ANKRD44: variants seen among roughly 807,000 people sequenced by gnomAD.
ANKRD44 encodes the protein ankyrin repeat domain 44.
A neutral mutation model predicts 116.0 loss-of-function variants in ANKRD44; 35 were observed. The observed-to-expected ratio is 0.30, with a 90% CI of 0.23 to 0.40. The LOEUF (loss-of-function observed/expected upper bound fraction) is 0.40, where lower values mean the gene tolerates loss of function less well. Among genes scored for constraint, ANKRD44 ranks in the 10% least tolerant of loss-of-function variants. ANKRD44 has a pLI of 1.00. For synonymous variants in ANKRD44, 435 were observed against 461.8 expected, an observed-to-expected ratio of 0.94 and a Z score of 0.74; for missense variants, 1,014 against 1,242.6, an observed-to-expected ratio of 0.82 and a Z score of 2.77.
chr2:197,067,459 C>G (rs935422944), intron 16 of ANKRD44, among the ~76,000 whole-genome samples: 1 of 151,012 alleles, frequency 6.6e-6, no homozygotes, highest in African/African-American at 2.4e-5. Context: ...GCAACCTACT[C>G]ATCTGACAAA....
At chr2:197,050,790 T>C (rs1258658484) in intron 16 of ANKRD44, among the ~76,000 whole-genome samples, 2 of 152,162 alleles carry the variant, frequency 1.3e-5, no homozygotes, top group African/African-American at 2.4e-5. Context: ...TTGGGCTAAT[T>C]AAATTATATT....
chr2:197,242,437 T>C (rs1574343787), intron 1 of ANKRD44, among the ~76,000 whole-genome samples: 1 of 152,214 alleles, frequency 6.6e-6, no homozygotes, highest in Admixed American at 6.5e-5. Context: ...TTTCCAGTTA[T>C]ACCAGGTTTC....
At chr2:197,020,860 A>G (rs1488924914) in intron 17 of ANKRD44, among the ~76,000 whole-genome samples, 2 of 143,682 alleles carry the variant, frequency 1.4e-5, no homozygotes, top group Non-Finnish European at 2.9e-5. Context: ...CAGGTTTGTT[A>G]CATATGTAAA....
rs1426907521 is a variant in ANKRD44 at position 197,122,754 on chromosome 2, C to T, written c.589G>A (p.Ala197Thr). ...TTCTTATCCTTACAGGTCACTTCTG[C>T]GCCATGGTTAATGAGCAATGCTACA... ...DVVALLINHG[A>T]EVTCKDKKGY... Residue 197 changes from alanine (A) to threonine (T), a missense_variant, in exon 7 of 28, where the codon GCA becomes ACA. Coordinates refer to ENST00000282272, the MANE Select transcript of ANKRD44 (RefSeq NM_001195144.2). 6 of 1,614,150 alleles carry T rather than the reference C, an allele frequency of 3.7e-6. No individual in the cohort carries two copies. The highest frequency in any genetic ancestry group is 5.1e-6 in the Non-Finnish European group (6 of 1,180,008).
At chr2:197,020,523 AAGGAATCTCATC>A (rs753936315) in intron 17 of ANKRD44, among the ~76,000 whole-genome samples, 7 of 152,176 alleles carry the variant, frequency 4.6e-5, no homozygotes, top group Non-Finnish European at 8.8e-5. Context: ...AAAATTGCAA[AAGGAATCTCATC>A]ATGTTTTAAG....
chr2:197,266,235 C>T (rs2082738311), intron 1 of ANKRD44, among the ~76,000 whole-genome samples: 1 of 152,122 alleles, frequency 6.6e-6, no homozygotes, highest in East Asian at 1.9e-4. Context: ...CCATCATTTT[C>T]AGTCCTTTCT....
intron 1 of ANKRD44, among the ~76,000 whole-genome samples, chr2:197,200,427 G>C (rs934984899): frequency 2.0e-5 from 3 of 152,104 alleles, no homozygotes; most frequent in African/African-American, 7.2e-5. Context: ...ATATGCTCAG[G>C]AGAATGTCCT....
At chr2:197,233,830 C>G (rs1459630009) in intron 1 of ANKRD44, among the ~76,000 whole-genome samples, 1 of 152,222 alleles carries the variant, frequency 6.6e-6, no homozygotes, top group African/African-American at 2.4e-5. Flanking sequence ...TATCTATGGA[C>G]CATTTGCTGT....
In ANKRD44 at chr2:197,011,475, A is replaced by ATTT. The variant is rs1216186319; in HGVS notation, c.1924+2033_1924+2035dup. Among the ~76,000 whole-genome samples the ATTT allele has an allele frequency of 3.1e-3, 433 of 141,220 alleles. 2 individuals are homozygous for ATTT. The highest frequency in any genetic ancestry group is 0.011 in the African/African-American group (408 of 38,248). 92.6% of individuals were successfully genotyped at this position (141,220 alleles called of 152,430 possible). A position where few individuals can be genotyped will look rare whatever the true frequency, so the allele number is the denominator to read the frequency against. On this transcript the variant is annotated intron_variant, in intron 18 of 27. Coordinates refer to ENST00000282272, the MANE Select transcript of ANKRD44 (RefSeq NM_001195144.2). ...TGAACTTAGCTAATAGCCCTCAGGT[A>ATTT]TTTTTTTTTTTTTTTGAGGTAGAGT...
intron 1 of ANKRD44, among the ~76,000 whole-genome samples, chr2:197,245,506 T>A (rs546412114): frequency 4.6e-5 from 7 of 152,280 alleles, no homozygotes; most frequent in Non-Finnish European, 7.4e-5. Context: ...ATACTCAACT[T>A]AGTTTAAGAA....
chr2:197,093,076 C>T (rs982311751), intron 10 of ANKRD44, among the ~76,000 whole-genome samples: 1 of 151,510 alleles, frequency 6.6e-6, no homozygotes, highest in African/African-American at 2.4e-5. Context: ...CTTTGAGCCT[C>T]CCTCATTCTT....
At chr2:197,007,087 A>G (rs1382733698) in intron 20 of ANKRD44, among the ~76,000 whole-genome samples, 1 of 152,024 alleles carries the variant, frequency 6.6e-6, no homozygotes, top group African/African-American at 2.4e-5. Context: ...CCTGGGTGAT[A>G]AGAGTGAGAT....
intron 2 of ANKRD44, chr2:197,147,746 G>A (rs2079541882): frequency 5.7e-6 from 2 of 348,836 alleles, no homozygotes; most frequent in Non-Finnish European, 1.1e-5. Flanking sequence ...CTAGACAATA[G>A]TATACTAGAT....
At chr2:197,120,542 T>C (rs1365962580) in intron 8 of ANKRD44, among the ~76,000 whole-genome samples, 2 of 151,898 alleles carry the variant, frequency 1.3e-5, no homozygotes, top group Non-Finnish European at 2.9e-5. Context: ...TCCCAGCTAC[T>C]GGGGAGGCTG....
rs764106109 is a variant in ANKRD44, at chr2:197,238,601, G to GAT, written c.28-51497_28-51496dup. On this transcript the variant is annotated intron_variant, in intron 1 of 27. Transcript: ENST00000282272. The stretch of plus-strand genomic sequence containing the variant: ...AAATAACAGTGGCTTAATCAAGAAA[G>GAT]ATATATATATATTTCTCCCTCGTTG... Among the ~76,000 whole-genome samples, 14 of 152,002 alleles carry GAT rather than the reference G, an allele frequency of 9.2e-5. No individual in the cohort carries two copies. The South Asian group carries it at 1.0e-3, about 11-fold the overall frequency.
chr2:197,053,763 C>T (rs934101549), intron 16 of ANKRD44, among the ~76,000 whole-genome samples: 3 of 152,196 alleles, frequency 2.0e-5, no homozygotes, highest in East Asian at 1.9e-4. Flanking sequence ...GATTACAGGC[C>T]GGAGCCACTG....
intron 16 of ANKRD44, 147 bp from the exon 17 acceptor site, chr2:197,025,414 T>A (rs2076572942): frequency 3.5e-6 from 2 of 567,628 alleles, no homozygotes; most frequent in Admixed American, 2.7e-5. Flanking sequence ...AAAACAAATA[T>A]GCTAACAGAA....
At chr2:197,246,393 G>C (rs542554009) in intron 1 of ANKRD44, among the ~76,000 whole-genome samples, 1 of 110,598 alleles carries the variant, frequency 9.0e-6, no homozygotes, top group African/African-American at 3.5e-5. Flanking sequence ...GGGTATCGCT[G>C]TGTTGCCCAG....
intron 2 of ANKRD44, among the ~76,000 whole-genome samples, chr2:197,184,723 C>A (rs992912201): frequency 6.6e-6 from 1 of 151,946 alleles, no homozygotes. Context: ...TGCACACAAC[C>A]CCTGTGGTGA....
Sources: allele counts gnomAD v4.1 joint callset (sites outside exome capture counted in the v4.1 genomes callset), GRCh38; gene constraint gnomAD v4.1.1; transcripts MANE v1.5; gene names NCBI Gene and HGNC (gene_info 2026-07-23, HGNC 2026-07-21).